Variants in PATJ observed in about 807,000 individuals in gnomAD.
PATJ encodes PATJ crumbs cell polarity complex component, also known as inaD-like protein.
Under a neutral mutation model 224.9 loss-of-function variants are expected in PATJ, and 190 were observed. That is an observed-to-expected ratio of 0.84 (90% confidence interval 0.75 to 0.95). The LOEUF is 0.95. PATJ is among the 40% of genes least tolerant of loss of function. The probability of loss-of-function intolerance (pLI) is 0.00; values close to 1 mark genes in which losing one functional copy is unlikely to be tolerated. For missense variants in PATJ, 2,121 were observed against 2,270.3 expected, an observed-to-expected ratio of 0.93 and a Z score of 1.34; for synonymous variants, 769 against 820.3, an observed-to-expected ratio of 0.94 and a Z score of 1.07.
chr1:62,153,570 C>A, intron 43 of PATJ, 89 bp downstream of exon 43: 1 of 807,866 alleles, frequency 1.2e-6, no homozygotes, highest in South Asian at 6.6e-5. Context: ...TACTTTGGGT[C>A]AAACCTGGAT....
In PATJ at chr1:61,871,555, ATATTTTTTTTT is replaced by A. The variant is rs1174800712; in HGVS notation, c.2836-3686_2836-3676del. ...TGTGTGTGTGTATATATATATATAT[ATATTTTTTTTT>A]TTTTTTTTTTTTTTGAGATGGAATC... On this transcript the variant is annotated intron_variant, in intron 20 of 43. Transcript: ENST00000642238. 1.5e-4 allele frequency among the ~76,000 whole-genome samples: 9 copies of A among 58,084 alleles called. 1 individual carries two copies. The highest frequency in any genetic ancestry group is 2.4e-4 in the Non-Finnish European group (8 of 33,608). 38.1% of individuals were successfully genotyped at this position (58,084 alleles called of 152,430 possible). A position where few individuals can be genotyped will look rare whatever the true frequency, so the allele number is the denominator to read the frequency against.
chr1:61,854,010 G>A (rs887856900), intron 17 of PATJ, among the ~76,000 whole-genome samples: 5 of 152,152 alleles, frequency 3.3e-5, no homozygotes, highest in African/African-American at 9.7e-5. Context: ...TAGCTGTGTA[G>A]CCTTTGTTGA....
Position 62,038,029 on chromosome 1 carries a change from A to G in PATJ, c.4012A>G (p.Ser1338Gly), listed in dbSNP as rs1650769557. The G allele has an allele frequency of 6.3e-7, 1 of 1,596,806 alleles. No homozygotes were observed. The highest frequency in any genetic ancestry group is 1.7e-5 in the Admixed American group (1 of 58,922). ...MAVTPFPVPS[S>G]SPSSIEDQSG... The stretch of plus-strand genomic sequence containing the variant: ...CGTTACTCCCTTTCCAGTGCCATCA[A>G]GTTCTCCATCTTCTATTGAGGTAAG... Residue 1338 changes from serine (S) to glycine (G), a missense_variant, in exon 30 of 44, where the codon AGT (serine) becomes GGT (glycine). Physicochemically the swap from Ser to Gly is moderately conservative, Grantham distance 56 (BLOSUM62 0). Coordinates refer to ENST00000642238, the MANE Select transcript of PATJ (RefSeq NM_001350145.3).
intron 17 of PATJ, among the ~76,000 whole-genome samples, chr1:61,853,303 G>A (rs982469074): frequency 1.3e-5 from 2 of 152,042 alleles, no homozygotes; most frequent in Non-Finnish European, 2.9e-5. Flanking sequence ...TCAGTGGGTT[G>A]CATTTTGAAA....
intron 42 of PATJ, among the ~76,000 whole-genome samples, chr1:62,152,191 C>T (rs1668697811): frequency 6.6e-6 from 1 of 152,066 alleles, no homozygotes; most frequent in African/African-American, 2.4e-5. Context: ...TAAGTAATTA[C>T]AATATGATAC....
intron 14 of PATJ, among the ~76,000 whole-genome samples, chr1:61,811,226 ATAG>A: frequency 6.6e-6 from 1 of 152,232 alleles, no homozygotes; most frequent in South Asian, 2.1e-4. Flanking sequence ...TTGCAAGCAC[ATAG>A]TAGGCTCTTG....
intron 28 of PATJ, among the ~76,000 whole-genome samples, chr1:62,010,031 C>A (rs928289123): frequency 7.0e-6 from 1 of 143,762 alleles, no homozygotes; most frequent in African/African-American, 2.6e-5. Context: ...TACAGTGAGC[C>A]GAGATCGTAC....
chr1:61,963,085 A>G (rs1253692244), intron 27 of PATJ, among the ~76,000 whole-genome samples: 9 of 152,334 alleles, frequency 5.9e-5, no homozygotes, highest in South Asian at 2.1e-4. Flanking sequence ...TACGCAGTCT[A>G]TTATTCAAGA....
At chr1:61,832,227 A>G (rs936559644) in intron 16 of PATJ, among the ~76,000 whole-genome samples, 5 of 152,306 alleles carry the variant, frequency 3.3e-5, no homozygotes, top group South Asian at 2.1e-4. Context: ...GTCAGGCACT[A>G]TGCTTATTAT....
chr1:61,882,011 T>G (rs1241534866), intron 21 of PATJ, among the ~76,000 whole-genome samples: 1 of 152,230 alleles, frequency 6.6e-6, no homozygotes, highest in Non-Finnish European at 1.5e-5. Flanking sequence ...GTTGGTGTAT[T>G]AAGCAAGTAC....
At position 62,158,893 on chromosome 1, in the gene PATJ, G is replaced by A. The variant is rs150127127; in HGVS notation, c.5503-2015G>A. On this transcript the variant is annotated intron_variant, in intron 43 of 43. Coordinates refer to ENST00000642238, the MANE Select transcript of PATJ (RefSeq NM_001350145.3). ...GAACCTGGGAGGTGGAGTTTGCAGT[G>A]AACCGAGATCGCACCATTGCACTCC... Among the ~76,000 whole-genome samples, 132 of 152,068 alleles carry A rather than the reference G, an allele frequency of 8.7e-4. 4 individuals carry two copies. The East Asian group carries it at 0.025, about 28-fold the overall frequency.
intron 9 of PATJ, among the ~76,000 whole-genome samples, chr1:61,793,558 T>G (rs1460477804): frequency 6.6e-6 from 1 of 151,652 alleles, no homozygotes; most frequent in African/African-American, 2.4e-5. Flanking sequence ...TTGGGCAACA[T>G]GGTGAAACAC....
chr1:61,914,628 TA>T lies in PATJ; in HGVS notation c.3536del (p.Asn1179ThrfsTer21). On this transcript the variant is annotated frameshift_variant, in exon 26 of 44. Coordinates refer to ENST00000642238, the MANE Select transcript of PATJ (RefSeq NM_001350145.3). LOFTEE classifies it high-confidence loss of function. ...VHNKANKITG[N>X]QNQDTQEKKE... ...ATAACAAGGCCAACAAAATCACCGG[TA>T]ACCAGAACCAGGACACCCAAGAAAA... 6.3e-7 allele frequency: 1 copy of T among 1,579,088 alleles called. No homozygotes were observed. Among genetic ancestry groups the T allele is most frequent in the Non-Finnish European group, 8.7e-7 (1 of 1,149,100 alleles).
At chr1:62,109,017 T>C (rs956865400) in intron 34 of PATJ, among the ~76,000 whole-genome samples, 2 of 152,198 alleles carry the variant, frequency 1.3e-5, no homozygotes, top group Non-Finnish European at 2.9e-5. Flanking sequence ...CTTCCCCCTA[T>C]GATGCTTACT....
chr1:62,130,953 G>A lies in PATJ; in HGVS notation c.5271+2008G>A, dbSNP rs1666202638. Among the ~76,000 whole-genome samples, 2 of 152,074 alleles carry A rather than the reference G, an allele frequency of 1.3e-5. 1 individual carries two copies. Among genetic ancestry groups the A allele is most frequent in the South Asian group, 4.2e-4 (2 of 4,812 alleles). ...GTGTCCAGACATTTAAAAAGTAAGT[G>A]GCTTTCAGTATGTATGAGGGGTATA... On this transcript the variant is annotated intron_variant, in intron 41 of 43. Transcript: ENST00000642238.
At position 62,148,344 on chromosome 1, in the gene PATJ, T is replaced by C. The variant is rs1300432690; in HGVS notation, c.5332T>C (p.Tyr1778His). The change falls in exon 42 of 44, where the codon TAC (tyrosine) becomes CAC (histidine). Residue 1778 changes from tyrosine to histidine, a missense_variant. Coordinates refer to ENST00000642238, the MANE Select transcript of PATJ (RefSeq NM_001350145.3). ...TCAGCTTGAAAACATGTCTACAGGC[T>C]ACCACCTTGGTTCGCCCACTGCTGA... ...AAQLENMSTG[Y>H]HLGSPTAEHH... is the part of the protein sequence containing the mutation. 1 of 1,614,034 alleles carries C rather than the reference T, an allele frequency of 6.2e-7. No homozygotes were observed. Among genetic ancestry groups the C allele is most frequent in the Non-Finnish European group, 8.5e-7 (1 of 1,179,996 alleles).
intron 27 of PATJ, among the ~76,000 whole-genome samples, chr1:61,960,426 C>T (rs1681099782): frequency 6.6e-6 from 1 of 152,128 alleles, no homozygotes; most frequent in Non-Finnish European, 1.5e-5. Context: ...CTTTGGGAGG[C>T]CAAGGTGGCT....
chr1:61,928,713 T>C (rs977655370), intron 27 of PATJ, among the ~76,000 whole-genome samples: 3 of 152,034 alleles, frequency 2.0e-5, no homozygotes, highest in African/African-American at 7.2e-5. Flanking sequence ...ACCTGCCACA[T>C]AGTGAGTCTT....
intron 27 of PATJ, among the ~76,000 whole-genome samples, chr1:61,961,099 C>T (rs11207877): frequency 0.46 from 69,557 of 151,962 alleles, 16,521 homozygotes; most frequent in East Asian, 0.81. Context: ...GGAACAGTAC[C>T]TTTGGGTGAG....
Sources: allele counts gnomAD v4.1 joint callset (sites outside exome capture counted in the v4.1 genomes callset), GRCh38; gene constraint gnomAD v4.1.1; transcripts MANE v1.5; gene names NCBI Gene and HGNC (gene_info 2026-07-23, HGNC 2026-07-21).